LRRC20: variants seen among roughly 807,000 people sequenced by gnomAD.
LRRC20 encodes leucine rich repeat containing 20.
In LRRC20, 11 loss-of-function variants were observed where a neutral mutation model predicts 14.4. The observed-to-expected ratio is 0.77, with a 90% CI of 0.48 to 1.27. The LOEUF (loss-of-function observed/expected upper bound fraction) is 1.27, where lower values mean the gene tolerates loss of function less well. Among genes scored for constraint, LRRC20 ranks in the 50% most tolerant of loss-of-function variants. The pLI is 0.00. For missense variants in LRRC20, 219 were observed against 251.2 expected (o/e 0.87, Z 0.87); for synonymous variants, 121 against 107.3 (o/e 1.13, Z -0.79).
intron 2 of LRRC20, among the ~76,000 whole-genome samples, chr10:70,355,261 G>T (rs1395519433): frequency 1.3e-5 from 2 of 152,172 alleles, no homozygotes. Flanking sequence ...GAGCTGGCTG[G>T]CTCTAAAAGG....
At chr10:70,367,815 T>C (rs919335859) in intron 2 of LRRC20, among the ~76,000 whole-genome samples, 1 of 151,532 alleles carries the variant, frequency 6.6e-6, no homozygotes, top group Non-Finnish European at 1.5e-5. Context: ...AGGGTAAATT[T>C]TATATATATA....
chr10:70,381,995 T>C (rs1411918860), intron 1 of LRRC20: 1 of 152,100 alleles, frequency 6.6e-6, no homozygotes, highest in African/African-American at 2.4e-5. Context: ...CTGCAGCCAA[T>C]GGCACCTCGT....
intron 1 of LRRC20, 42 bp from the exon 2 acceptor site, chr10:70,376,638 A>T: frequency 9.3e-7 from 1 of 1,070,002 alleles, no homozygotes; most frequent in Non-Finnish European, 1.4e-6. Context: ...CCTGCCAGCC[A>T]GGGGCCCACC....
chr10:70,328,737 G>A (rs1842421298), intron 3 of LRRC20, among the ~76,000 whole-genome samples: 1 of 152,210 alleles, frequency 6.6e-6, no homozygotes, highest in African/African-American at 2.4e-5. Context: ...GCACAACATG[G>A]TGAAACTCTG....
In LRRC20 at chr10:70,356,351, A is replaced by G. The variant is rs370950826; in HGVS notation, c.83-15649T>C. On this transcript the variant is annotated intron_variant, in intron 2 of 4. Coordinates refer to ENST00000446961, the MANE Select transcript of LRRC20 (RefSeq NM_001278212.2). ...ACACAGTAAAACCCTGGTTCTATAA[A>G]AAATACAAAAAGTAGCTGGGTGTGG... Among the ~76,000 whole-genome samples the G allele has an allele frequency of 2.3e-4, 35 of 152,108 alleles. No individual in the cohort carries two copies. The South Asian group carries it at 7.3e-3, about 32-fold the overall frequency.
chr10:70,375,894 G>C (rs1308582894), intron 2 of LRRC20, among the ~76,000 whole-genome samples: 1 of 152,038 alleles, frequency 6.6e-6, no homozygotes, highest in Non-Finnish European at 1.5e-5. Flanking sequence ...GGAGTCTTGG[G>C]GTAATTGATG....
At chr10:70,317,761 T>C (rs1233278628) in intron 4 of LRRC20, among the ~76,000 whole-genome samples, 1 of 152,136 alleles carries the variant, frequency 6.6e-6, no homozygotes, top group African/African-American at 2.4e-5. Context: ...GTGACCATGG[T>C]TCAATCTGCC....
Position 70,360,572 on chromosome 10 carries a change from G to A in LRRC20, c.82+15880C>T, listed in dbSNP as rs549443894. 5.3e-4 allele frequency among the ~76,000 whole-genome samples: 80 copies of A among 152,272 alleles called. 1 individual carries two copies. Among genetic ancestry groups the A allele is most frequent in the African/African-American group, 1.9e-3 (78 of 41,568 alleles). ...CTGCTTCAGTTTCCTGAGTAGCTGG[G>A]ACTACAGGCTCACGCCACCCTGCCC... On this transcript the variant is annotated intron_variant, in intron 2 of 4. Transcript: ENST00000446961.
chr10:70,340,805 C>T lies in LRRC20; in HGVS notation c.83-103G>A, dbSNP rs1053727799. On this transcript the variant is annotated intron_variant, in intron 2 of 4. Transcript: ENST00000446961. Reference sequence around the variant, plus strand: ...CCACCTCCATGCCCCCTTCCAGCCTCCTTGCCCTCCCACCTGTCTCCCCAG... The same window carrying T: ...CCACCTCCATGCCCCCTTCCAGCCTTCTTGCCCTCCCACCTGTCTCCCCAG... The T allele has an allele frequency of 3.3e-6, 4 of 1,222,280 alleles. No individual in the cohort carries two copies. The African/African-American group carries it at 6.0e-5, about 18-fold the overall frequency. The allele number at this position is 1,222,280 out of a possible 1,614,324, so 75.7% of individuals were successfully genotyped here. A position where few individuals can be genotyped will look rare whatever the true frequency, so the allele number is the denominator to read the frequency against.
Position 70,376,493 on chromosome 10 carries a change from C to G in LRRC20, c.41G>C (p.Arg14Thr), listed in dbSNP as rs909121212. Reference protein sequence around the residue: ...KMGEAVARVARKVNETVESGS... With the variant: ...KMGEAVARVATKVNETVESGS... ...GCTCTCCACCGTCTCGTTGACCTTC[C>G]TTGCTACTCTGGCCACGGCCTCACC... Residue 14 changes from arginine to threonine, a missense_variant, in exon 2 of 5, where the codon AGG becomes ACG. Transcript: ENST00000446961. 6 of 1,614,082 alleles carry G rather than the reference C, an allele frequency of 3.7e-6. No homozygotes were observed. The highest frequency in any genetic ancestry group is 2.2e-5 in the South Asian group (2 of 91,090).
intron 4 of LRRC20, among the ~76,000 whole-genome samples, chr10:70,317,369 T>A (rs10443941): frequency 0.24 from 35,887 of 151,412 alleles, 5,399 homozygotes; most frequent in Non-Finnish European, 0.33. Context: ...TTTTTTTTTT[T>A]AAATTGTTGT....
chr10:70,363,027 T>C (rs1843806752), intron 2 of LRRC20, among the ~76,000 whole-genome samples: 1 of 151,680 alleles, frequency 6.6e-6, no homozygotes, highest in East Asian at 1.9e-4. Flanking sequence ...TCTCAAGATT[T>C]CGGGAGGCTG....
intron 4 of LRRC20, among the ~76,000 whole-genome samples, chr10:70,318,229 G>A (rs912784526): frequency 1.3e-5 from 2 of 152,150 alleles, no homozygotes; most frequent in Non-Finnish European, 2.9e-5. Context: ...CGGGGGTCAG[G>A]GGCAGGTATT....
At chr10:70,340,780 C>A in intron 2 of LRRC20, 78 bp from the exon 3 acceptor site, 1 of 1,483,594 alleles carries the variant, frequency 6.7e-7, no homozygotes. Context: ...CACACAGACC[C>A]CACCTCCATG....
chr10:70,362,373 G>A (rs1282442053), intron 2 of LRRC20, among the ~76,000 whole-genome samples: 1 of 152,256 alleles, frequency 6.6e-6, no homozygotes, highest in Non-Finnish European at 1.5e-5. Flanking sequence ...TACTCAAAGT[G>A]CAGTCAGAGA....
At chr10:70,302,399 T>C (rs924770302) in intron 4 of LRRC20, among the ~76,000 whole-genome samples, 1 of 151,954 alleles carries the variant, frequency 6.6e-6, no homozygotes, top group East Asian at 1.9e-4. Context: ...GTGAGGTACA[T>C]AGAGTAGTTG....
At chr10:70,333,025 A>G (rs1842595831) in intron 3 of LRRC20, among the ~76,000 whole-genome samples, 1 of 152,234 alleles carries the variant, frequency 6.6e-6, no homozygotes. Context: ...CAGCAACAAG[A>G]GAGGTGCTTG....
chr10:70,326,288 G>A (rs941285394), intron 3 of LRRC20, among the ~76,000 whole-genome samples: 2 of 126,378 alleles, frequency 1.6e-5, no homozygotes, highest in African/African-American at 6.6e-5. Flanking sequence ...CCTTCCCAGC[G>A]CCTCTGTGTA....
At chr10:70,328,494 G>T (rs1178242027) in intron 3 of LRRC20, among the ~76,000 whole-genome samples, 58 of 152,248 alleles carry the variant, frequency 3.8e-4, no homozygotes, top group Non-Finnish European at 1.5e-5. Flanking sequence ...ACAGGGTTTT[G>T]CCATGTTGGC....
Sources: allele counts gnomAD v4.1 joint callset (sites outside exome capture counted in the v4.1 genomes callset), GRCh38; gene constraint gnomAD v4.1.1; transcripts MANE v1.5; gene names NCBI Gene and HGNC (gene_info 2026-07-23, HGNC 2026-07-21).